DLGAP3: variants seen among roughly 807,000 people sequenced by gnomAD.
DLGAP3 encodes the protein disks large-associated protein 3.
DLGAP3 carries 17 observed loss-of-function variants against 81.2 expected under a neutral mutation model. The ratio of observed to expected loss-of-function variants is 0.21; its 90% CI spans 0.14 to 0.31. DLGAP3 has a LOEUF of 0.31. Ranked by LOEUF, DLGAP3 falls within the 10% of genes least tolerant of loss-of-function variation. DLGAP3 has a pLI of 1.00. For missense variants in DLGAP3, 1,124 were observed against 1,388.0 expected, an observed-to-expected ratio of 0.81 and a Z score of 3.02; for synonymous variants, 577 against 587.4, an observed-to-expected ratio of 0.98 and a Z score of 0.26.
chr1:34,904,743 G>A lies in DLGAP3; in HGVS notation c.641C>T (p.Pro214Leu), dbSNP rs139478899. 2.3e-5 allele frequency: 37 copies of A among 1,611,940 alleles called. No individual in the cohort carries two copies. The highest frequency in any genetic ancestry group is 2.0e-4 in the African/African-American group (15 of 75,058). ...GGSGGDSYPGPGSGGPHTSHH... is the reference protein window; with the variant it reads ...GGSGGDSYPGLGSGGPHTSHH... ...GGAGGTGTGGGGGCCTCCAGAGCCC[G>A]GGCCGGGGTAGCTGTCTCCTCCAGA... Residue 214 changes from proline (P) to leucine (L), a missense_variant, in exon 3 of 12, where the codon CCG (proline) becomes CTG (leucine). By Grantham distance (98) the Pro-to-Leu change is moderately conservative (BLOSUM62 -3). This residue lies in a region of DLGAP3 where 357 missense variants were observed against 408.8 expected (regional missense o/e 0.87). Transcript: ENST00000373347. The surrounding 1 kb of genome is among the most constrained non-coding windows in gnomAD (Gnocchi z 8.1).
At chr1:34,871,376 TTAA>T (rs1638978045) in intron 8 of DLGAP3, among the ~76,000 whole-genome samples, 1 of 152,162 alleles carries the variant, frequency 6.6e-6, no homozygotes, top group Admixed American at 6.5e-5. Context: ...CATTCCCTCC[TTAA>T]GTCCTGTTTT....
chr1:34,908,823 G>A lies in DLGAP3; in HGVS notation c.-134-1386C>T, dbSNP rs77977747. Among the ~76,000 whole-genome samples the A allele has an allele frequency of 6.6e-3, 1,005 of 152,296 alleles. 14 individuals carry two copies. The highest frequency in any genetic ancestry group is 0.022 in the African/African-American group (919 of 41,548). ...CTGTTGGTTACCCTGCCCAAAGAGA[G>A]ACTAGGGTGACCTCACAGATACCAA... On this transcript the variant is annotated intron_variant, in intron 1 of 11. Transcript: ENST00000373347.
At chr1:34,928,576 A>G (rs1448997653) in intron 1 of DLGAP3, among the ~76,000 whole-genome samples, 1 of 152,118 alleles carries the variant, frequency 6.6e-6, no homozygotes, top group African/African-American at 2.4e-5. Flanking sequence ...AGAAGTGGGG[A>G]ATGATCTGAC....
At position 34,900,219 on chromosome 1, in the gene DLGAP3, G is replaced by A; in HGVS notation, c.1162C>T (p.Pro388Ser). 8 of 1,614,110 alleles carry A rather than the reference G, an allele frequency of 5.0e-6. No homozygotes were observed. Among genetic ancestry groups the A allele is most frequent in the Non-Finnish European group, 6.8e-6 (8 of 1,180,028 alleles). ...YPTGGKDGEI[P>S]CRRMRSGSYI... ...CTGCCGCTCCGCATCCTGCGGCAGG[G>A]GATCTCCCCATCCTTGCCACCGGTG... is the stretch of plus-strand genomic sequence containing the variant. The change falls in exon 4 of 12, where the codon CCC (proline) becomes TCC (serine). Residue 388 changes from proline to serine, a missense_variant. Physicochemically the swap from Pro to Ser is moderately conservative, Grantham distance 74 (BLOSUM62 -1). Around this residue, in one of 9 missense-constraint regions of DLGAP3, gnomAD observed 357 missense variants for 408.8 expected, o/e 0.87. Coordinates refer to ENST00000373347, the MANE Select transcript of DLGAP3 (RefSeq NM_001080418.3). The surrounding 1 kb of genome is among the most constrained non-coding windows in gnomAD (Gnocchi z 5.6).
chr1:34,878,200 A>C (rs1023294340), intron 8 of DLGAP3, among the ~76,000 whole-genome samples: 7 of 152,180 alleles, frequency 4.6e-5, no homozygotes, highest in African/African-American at 1.7e-4. Context: ...CCAGCTACCC[A>C]GGTAGCTGAG....
At position 34,885,800 on chromosome 1, in the gene DLGAP3, G is replaced by A. The variant is rs949947088; in HGVS notation, c.1601-9C>T. ...CTTTCTGAAGTTGAAGGCTGTGGCC[G>A]GCGAGCGCAGAGACGCAGTGGGTGA... On this transcript the variant is annotated splice_polypyrimidine_tract_variant and intron_variant, in intron 6 of 11. Transcript: ENST00000373347. The A allele has an allele frequency of 2.8e-6, 4 of 1,404,476 alleles. No individual in the cohort carries two copies. The highest frequency in any genetic ancestry group is 3.7e-6 in the Non-Finnish European group (4 of 1,084,474). 87.0% of individuals were successfully genotyped at this position (1,404,476 alleles called of 1,614,324 possible). A position where few individuals can be genotyped will look rare whatever the true frequency, so the allele number is the denominator to read the frequency against.
At chr1:34,924,204 T>C (rs1412799681) in intron 1 of DLGAP3, among the ~76,000 whole-genome samples, 1 of 152,170 alleles carries the variant, frequency 6.6e-6, no homozygotes, top group Non-Finnish European at 1.5e-5. Context: ...AGGAGAAAGA[T>C]ATCCAAGAGA....
chr1:34,904,447 G>A lies in DLGAP3; in HGVS notation c.937C>T (p.Leu313Phe), dbSNP rs766919404. The A allele has an allele frequency of 6.2e-7, 1 of 1,614,174 alleles. No individual in the cohort carries two copies. The highest frequency in any genetic ancestry group is 8.5e-7 in the Non-Finnish European group (1 of 1,180,038). ...GRSGGSEGRCLACTGMSMSLD... is the reference protein window; with the variant it reads ...GRSGGSEGRCFACTGMSMSLD... ...GACATGGACATGCCAGTGCAGGCAA[G>A]GCAGCGGCCTTCCGACCCGCCCGAG... Residue 313 changes from leucine (L) to phenylalanine (F), a missense_variant, in exon 3 of 12, where the codon CTT (leucine) becomes TTT (phenylalanine). Coordinates refer to ENST00000373347, the MANE Select transcript of DLGAP3 (RefSeq NM_001080418.3). This position sits in a 1 kb window ranked among gnomAD's most constrained non-coding sequence, Gnocchi z 8.1.
chr1:34,917,803 A>G (rs1639739634), intron 1 of DLGAP3, among the ~76,000 whole-genome samples: 1 of 152,120 alleles, frequency 6.6e-6, no homozygotes, highest in African/African-American at 2.4e-5. Flanking sequence ...ATCCTCCCCA[A>G]ACAAGAACTT....
At position 34,885,691 on chromosome 1, in the gene DLGAP3, C is replaced by A; in HGVS notation, c.1701G>T (p.Glu567Asp). The change falls in exon 7 of 12, where the codon GAG becomes GAT. Residue 567 changes from glutamate (E) to aspartate (D), a missense_variant. Glu to Asp is a conservative substitution (Grantham distance 45). Coordinates refer to ENST00000373347, the MANE Select transcript of DLGAP3 (RefSeq NM_001080418.3). ...TAQSSTDSAH[E>D]SFTAAEGPAR... ...CGGGGCCCTCGGCCGCCGTGAAGCT[C>A]TCGTGCGCGGAGTCGGTGCTGCTCT... is the stretch of plus-strand genomic sequence containing the variant. 7.1e-7 allele frequency: 1 copy of A among 1,413,722 alleles called. No individual in the cohort carries two copies. The allele number at this position is 1,413,722 out of a possible 1,614,324, so 87.6% of individuals were successfully genotyped here.
At chr1:34,886,030 C>G in intron 6 of DLGAP3, 42 bp downstream of exon 6, 1 of 1,545,630 alleles carries the variant, frequency 6.5e-7, no homozygotes, top group East Asian at 2.3e-5. Context: ...CCAGGGCGCT[C>G]TCCTGCCTAG....
Position 34,899,671 on chromosome 1 carries a change from G to A in DLGAP3, c.1384C>T (p.Gln462Ter). ...AGGCATACTGGGCCTCTCCCTACCT[G>A]TCCAGTGGTGAGGGAACGGCTGTAG... Reference protein sequence around the residue: ...PGYSRSLTTGQLSDELNQQLE... With the variant: ...PGYSRSLTTG The change falls in exon 5 of 12, where the codon CAG becomes TAG. Residue 462 changes from glutamine to a stop codon, truncating the protein, a stop_gained and splice_region_variant. Transcript: ENST00000373347. LOFTEE classifies it high-confidence loss of function. 6.2e-7 allele frequency: 1 copy of A among 1,612,650 alleles called. No individual in the cohort carries two copies. The highest frequency in any genetic ancestry group is 8.5e-7 in the Non-Finnish European group (1 of 1,178,738).
chr1:34,892,511 G>GT lies in DLGAP3; in HGVS notation c.1387-6227dup, dbSNP rs535046737. The stretch of plus-strand genomic sequence containing the variant: ...GTTTTTGTTCTCGTTTTTTGTTTTT[G>GT]TTTTTTTTAGAGATGAGGTCTCACT... On this transcript the variant is annotated intron_variant, in intron 5 of 11. Coordinates refer to ENST00000373347, the MANE Select transcript of DLGAP3 (RefSeq NM_001080418.3). 5.5e-4 allele frequency among the ~76,000 whole-genome samples: 83 copies of GT among 151,694 alleles called. 1 individual carries two copies. In the South Asian group the frequency reaches 0.016, roughly 30 times the overall value.
chr1:34,874,771 C>A lies in DLGAP3; in HGVS notation c.2001-5682G>T, dbSNP rs146704735. On this transcript the variant is annotated intron_variant, in intron 8 of 11. Coordinates refer to ENST00000373347, the MANE Select transcript of DLGAP3 (RefSeq NM_001080418.3). ...ACAGTATCCAAGGAAAGCTCTATAT[C>A]CAGAAGTTGTCAAGAGGTTTTGCCA... Among the ~76,000 whole-genome samples the A allele has an allele frequency of 2.0e-4, 31 of 151,978 alleles. No homozygotes were observed. In the East Asian group the frequency reaches 5.6e-3, roughly 28 times the overall value.
At chr1:34,924,626 G>C (rs550748643) in intron 1 of DLGAP3, among the ~76,000 whole-genome samples, 3 of 152,272 alleles carry the variant, frequency 2.0e-5, no homozygotes, top group Admixed American at 2.0e-4. Context: ...GGACCCAGTA[G>C]GTGAAAGGCT....
intron 8 of DLGAP3, among the ~76,000 whole-genome samples, chr1:34,872,247 G>A (rs148313123): frequency 6.1e-4 from 93 of 152,290 alleles, no homozygotes; most frequent in African/African-American, 2.1e-3. Flanking sequence ...AAACGCAGCC[G>A]GTTAAGAATG....
At chr1:34,892,362 A>G (rs1292800225) in intron 5 of DLGAP3, among the ~76,000 whole-genome samples, 1 of 152,094 alleles carries the variant, frequency 6.6e-6, no homozygotes, top group Non-Finnish European at 1.5e-5. Flanking sequence ...CTATGGGACA[A>G]CATCAAGCAT....
chr1:34,922,641 T>A (rs1295712387), intron 1 of DLGAP3, among the ~76,000 whole-genome samples: 2 of 152,154 alleles, frequency 1.3e-5, no homozygotes, highest in African/African-American at 4.8e-5. Flanking sequence ...TCCACACTTA[T>A]ACAAATAGAT....
Position 34,866,577 on chromosome 1 carries a change from G to GT in DLGAP3, c.2722-277dup, listed in dbSNP as rs1006152310. Reference sequence around the variant, plus strand: ...CAGCAGAGCCGGTTTTTCACTCCGGGTCCCGACCCGAAGGAGGGAGTTCCC... The same window carrying GT: ...CAGCAGAGCCGGTTTTTCACTCCGGGTTCCCGACCCGAAGGAGGGAGTTCCC... On this transcript the variant is annotated intron_variant, in intron 11 of 11. Coordinates refer to ENST00000373347, the MANE Select transcript of DLGAP3 (RefSeq NM_001080418.3). 5.9e-5 allele frequency among the ~76,000 whole-genome samples: 9 copies of GT among 152,308 alleles called. 1 individual carries two copies. The highest frequency in any genetic ancestry group is 3.4e-3 in the Middle Eastern group (1 of 294).
Sources: gnomAD v4.1 joint callset for allele counts (sites outside exome capture counted in the v4.1 genomes callset) on GRCh38, gnomAD v4.1.1 for gene constraint, gnomAD v4.1.1 regional missense constraint, Gnocchi (gnomAD v3.1) non-coding constraint, MANE v1.5 for transcripts, NCBI Gene and HGNC (gene_info 2026-07-23, HGNC 2026-07-21) for gene names.